Variants in FAM184A observed in about 807,000 individuals in gnomAD.
FAM184A encodes family with sequence similarity 184 member A.
A neutral mutation model predicts 143.8 loss-of-function variants in FAM184A; 99 were observed. That is an observed-to-expected ratio of 0.69 (90% CI 0.58 to 0.81). FAM184A has a LOEUF of 0.81. Among genes scored for constraint, FAM184A ranks in the 40% least tolerant of loss-of-function variants. FAM184A has a pLI of 0.00. For missense variants in FAM184A, 1,217 were observed against 1,310.5 expected, an observed-to-expected ratio of 0.93 and a Z score of 1.10; for synonymous variants, 427 against 446.4, an observed-to-expected ratio of 0.96 and a Z score of 0.55.
intron 1 of FAM184A, among the ~76,000 whole-genome samples, chr6:119,073,945 T>C (rs778189028): frequency 6.6e-6 from 1 of 151,928 alleles, no homozygotes; most frequent in Non-Finnish European, 1.5e-5. Flanking sequence ...GTATCTAGAG[T>C]TTGCACAGAC....
At chr6:119,095,518 A>G (rs1469945708) in intron 1 of FAM184A, among the ~76,000 whole-genome samples, 1 of 152,198 alleles carries the variant, frequency 6.6e-6, no homozygotes, top group Non-Finnish European at 1.5e-5. Flanking sequence ...CAGAGAGGAT[A>G]TTATAATATC....
intron 1 of FAM184A, among the ~76,000 whole-genome samples, chr6:119,142,640 C>T (rs1772286262): frequency 6.6e-6 from 1 of 152,176 alleles, no homozygotes; most frequent in African/African-American, 2.4e-5. Context: ...TTAGCCATGT[C>T]CATTACTCCT....
At chr6:119,056,877 AACT>A (rs1460193015) in intron 1 of FAM184A, among the ~76,000 whole-genome samples, 6 of 152,196 alleles carry the variant, frequency 3.9e-5, no homozygotes, top group African/African-American at 1.2e-4. Context: ...TTTCTGACAC[AACT>A]ACTACTCATG....
At chr6:118,984,188 T>C (rs1248991275) in intron 9 of FAM184A, among the ~76,000 whole-genome samples, 1 of 142,774 alleles carries the variant, frequency 7.0e-6, no homozygotes, top group Admixed American at 7.1e-5. Flanking sequence ...TTTATATATA[T>C]ATTTATATTT....
At chr6:118,995,341 C>G (rs1008380033) in intron 9 of FAM184A, among the ~76,000 whole-genome samples, 3 of 152,042 alleles carry the variant, frequency 2.0e-5, no homozygotes, top group African/African-American at 7.2e-5. Context: ...ATCACTTGAG[C>G]CTGAAAAGTT....
At chr6:119,110,051 G>A (rs1010034486) in intron 1 of FAM184A, among the ~76,000 whole-genome samples, 4 of 152,112 alleles carry the variant, frequency 2.6e-5, no homozygotes, top group Non-Finnish European at 2.9e-5. Context: ...CCTAACATAA[G>A]TCTAAGTATC....
In FAM184A at chr6:119,020,062, T is replaced by C; in HGVS notation, c.1248A>G (p.Gln416=). 6.2e-7 allele frequency: 1 copy of C among 1,609,182 alleles called. No homozygotes were observed. Among genetic ancestry groups the C allele is most frequent in the Non-Finnish European group, 8.5e-7 (1 of 1,178,570 alleles). Residue 416 remains glutamine, a synonymous_variant, in exon 4 of 18, where the codon CAA becomes CAG. Transcript: ENST00000338891. ...EKSRVNERLS[Q]LEEERAFLRS... ...GCAAAAAAGCTCTTTCCTCTTCAAG[T>C]TGAGATAATCTCTCATTGACTCTCG...
chr6:118,984,149 T>TTA (rs1554265782), intron 9 of FAM184A, among the ~76,000 whole-genome samples: 2 of 111,978 alleles, frequency 1.8e-5, no homozygotes, highest in Admixed American at 9.6e-5. Context: ...AAACTCCATT[T>TTA]AAAAAAAAAA....
At chr6:118,961,270 C>T (rs1783314617) in intron 17 of FAM184A, among the ~76,000 whole-genome samples, 1 of 150,572 alleles carries the variant, frequency 6.6e-6, no homozygotes, top group African/African-American at 2.4e-5. Context: ...TTAGTTTTTG[C>T]ATAAGTATAT....
chr6:119,089,656 A>G (rs1788320043), intron 1 of FAM184A, among the ~76,000 whole-genome samples: 1 of 152,174 alleles, frequency 6.6e-6, no homozygotes. Flanking sequence ...GATATACCAC[A>G]TATCAATCAT....
chr6:118,963,776 GTA>G (rs1407953739), intron 16 of FAM184A: 2 of 151,192 alleles, frequency 1.3e-5, no homozygotes, highest in Non-Finnish European at 2.9e-5. Flanking sequence ...ATATATATAT[GTA>G]TATATATAAT....
At chr6:119,119,162 G>A (rs958063823) in intron 1 of FAM184A, among the ~76,000 whole-genome samples, 1 of 152,100 alleles carries the variant, frequency 6.6e-6, no homozygotes, top group Non-Finnish European at 1.5e-5. Context: ...CCTGTCTCCC[G>A]ATAAGATGTT....
chr6:119,050,811 CAAAA>C (rs1239635141), intron 1 of FAM184A, among the ~76,000 whole-genome samples: 3 of 74,970 alleles, frequency 4.0e-5, no homozygotes. Context: ...GACTCCGTCT[CAAAA>C]AAAAAAAAAA....
At chr6:119,091,450 A>T (rs1023307824) in intron 1 of FAM184A, among the ~76,000 whole-genome samples, 2 of 152,184 alleles carry the variant, frequency 1.3e-5, no homozygotes, top group African/African-American at 2.4e-5. Flanking sequence ...TAAATTGTTC[A>T]TTCCAACATT....
intron 17 of FAM184A, chr6:118,960,644 T>C (rs1783290786): frequency 2.6e-6 from 1 of 382,220 alleles, no homozygotes; most frequent in South Asian, 2.5e-5. Flanking sequence ...CCTATGCAAA[T>C]ACTCCAGGAA....
intron 1 of FAM184A, among the ~76,000 whole-genome samples, chr6:119,094,732 A>G (rs979225496): frequency 1.9e-4 from 29 of 151,614 alleles, no homozygotes; most frequent in Admixed American, 1.3e-3. Context: ...GGAATGAAGG[A>G]GTAAGCTTAC....
At chr6:119,065,356 C>T (rs747930866) in intron 1 of FAM184A, among the ~76,000 whole-genome samples, 18 of 152,174 alleles carry the variant, frequency 1.2e-4, no homozygotes, top group Non-Finnish European at 1.3e-4. Flanking sequence ...CAGAGACTAT[C>T]GCCCTGGCCA....
chr6:119,020,230 A>T, intron 3 of FAM184A, 71 bp from the exon 4 acceptor site: 1 of 1,231,288 alleles, frequency 8.1e-7, no homozygotes, highest in Middle Eastern at 3.0e-4. Flanking sequence ...TTTACATTTA[A>T]TAACACAACT....
In FAM184A at chr6:118,976,813, T is replaced by C. The variant is rs1027389097; in HGVS notation, c.2456-769A>G. 3.9e-5 allele frequency among the ~76,000 whole-genome samples: 6 copies of C among 152,224 alleles called. No individual in the cohort carries two copies. In the East Asian group the frequency reaches 7.7e-4, roughly 20 times the overall value. On this transcript the variant is annotated intron_variant, in intron 11 of 17. Coordinates refer to ENST00000338891, the MANE Select transcript of FAM184A (RefSeq NM_024581.6). ...TCTCATGATATTGAAAAATGTTCAA[T>C]ATCATGAGCCACTAGGAAAATGCAA...
Sources: allele counts gnomAD v4.1 joint callset (sites outside exome capture counted in the v4.1 genomes callset), GRCh38; gene constraint gnomAD v4.1.1; transcripts MANE v1.5; gene names NCBI Gene and HGNC (gene_info 2026-07-23, HGNC 2026-07-21).